Variants in TANC2 observed in about 807,000 individuals in gnomAD.
TANC2 encodes the protein tetratricopeptide repeat, ankyrin repeat and coiled-coil containing 2.
Under a neutral mutation model 210.5 loss-of-function variants are expected in TANC2, and 26 were observed. The observed-to-expected ratio is 0.12, with a 90% confidence interval of 0.09 to 0.17. TANC2 has a LOEUF of 0.17. TANC2 is among the 10% of genes least tolerant of loss of function. The probability of loss-of-function intolerance (pLI) is 1.00; values close to 1 mark genes in which losing one functional copy is unlikely to be tolerated. For synonymous variants in TANC2, 931 were observed against 967.1 expected, an observed-to-expected ratio of 0.96 and a Z score of 0.69; for missense variants, 2,129 against 2,608.9, an observed-to-expected ratio of 0.82 and a Z score of 4.01.
At chr17:63,055,965 C>CAAAAAAAAAA (rs869063496) in intron 2 of TANC2, among the ~76,000 whole-genome samples, 4 of 52,600 alleles carry the variant, frequency 7.6e-5, no homozygotes, top group African/African-American at 2.9e-4. Context: ...TCATCTCTAC[C>CAAAAAAAAAA]AAAAAAAAAA....
chr17:62,972,406 A>T (rs1056106196), intron 1 of TANC2, among the ~76,000 whole-genome samples: 8 of 152,322 alleles, frequency 5.3e-5, no homozygotes, highest in Middle Eastern at 6.8e-3. Context: ...TACATGGTTT[A>T]TAGTGCATCT....
chr17:63,415,727 G>T, intron 26 of TANC2, 53 bp downstream of exon 26: 1 of 1,582,474 alleles, frequency 6.3e-7, no homozygotes, highest in South Asian at 1.1e-5. Context: ...CTGATAGCCT[G>T]TGTCACTCAC....
chr17:63,416,214 G>A (rs2048856115), intron 26 of TANC2, among the ~76,000 whole-genome samples: 1 of 152,084 alleles, frequency 6.6e-6, no homozygotes, highest in African/African-American at 2.4e-5. Context: ...ACTCCCCCTG[G>A]ACCTTTATCG....
chr17:63,400,135 A>G (rs1393779362), intron 19 of TANC2, among the ~76,000 whole-genome samples: 4 of 152,226 alleles, frequency 2.6e-5, no homozygotes, highest in Non-Finnish European at 4.4e-5. Context: ...GTGTGTTTCT[A>G]TCAGCACAGC....
intron 1 of TANC2, among the ~76,000 whole-genome samples, chr17:62,974,034 T>C (rs1015795114): frequency 2.7e-4 from 41 of 152,228 alleles, no homozygotes; most frequent in African/African-American, 9.2e-4. Flanking sequence ...GCTAGCTCTT[T>C]AGAGAATAAG....
intron 12 of TANC2, among the ~76,000 whole-genome samples, chr17:63,341,811 A>T (rs1218670132): frequency 6.6e-6 from 1 of 152,184 alleles, no homozygotes; most frequent in Non-Finnish European, 1.5e-5. Context: ...CTGATTGCCT[A>T]TTGCCTTCTG....
At chr17:63,034,238 T>A (rs2034885740) in intron 2 of TANC2, among the ~76,000 whole-genome samples, 1 of 152,200 alleles carries the variant, frequency 6.6e-6, no homozygotes, top group Non-Finnish European at 1.5e-5. Flanking sequence ...AAGCCAGTAC[T>A]CGTTTACCAT....
intron 4 of TANC2, among the ~76,000 whole-genome samples, chr17:63,139,060 G>C (rs1463676406): frequency 6.6e-6 from 1 of 152,212 alleles, no homozygotes; most frequent in Non-Finnish European, 1.5e-5. Context: ...TTTAAGAGGA[G>C]ACTGCTCTGA....
At chr17:63,196,407 A>G (rs939502507) in intron 6 of TANC2, among the ~76,000 whole-genome samples, 3 of 152,194 alleles carry the variant, frequency 2.0e-5, no homozygotes, top group Non-Finnish European at 4.4e-5. Context: ...ACTTGATGTC[A>G]TATCTTATAA....
rs2045253568 is a variant in TANC2 at position 63,314,584 on chromosome 17, C to G, written c.1356C>G (p.Ala452=). 1.9e-6 allele frequency: 3 copies of G among 1,613,962 alleles called. No individual in the cohort carries two copies. The East Asian group carries it at 6.7e-5, about 36-fold the overall frequency. Residue 452 remains alanine (A), a synonymous_variant, in exon 10 of 28, where the codon GCC becomes GCG. Transcript: ENST00000689528. The stretch of plus-strand genomic sequence containing the variant: ...GAAACATTGGATTCGGCAAAACTGC[C>G]ATCATCTCCAGACTGGTGGCCCTCA...
At chr17:63,249,235 A>G (rs1598703423) in intron 8 of TANC2, among the ~76,000 whole-genome samples, 1 of 152,346 alleles carries the variant, frequency 6.6e-6, no homozygotes, top group East Asian at 1.9e-4. Flanking sequence ...ATATAAACTT[A>G]GCTGTTCATA....
At chr17:63,296,046 G>T (rs2044526107) in intron 9 of TANC2, among the ~76,000 whole-genome samples, 1 of 151,926 alleles carries the variant, frequency 6.6e-6, no homozygotes, top group African/African-American at 2.4e-5. Flanking sequence ...TTCCATCAAG[G>T]GCTCTCAGAT....
intron 3 of TANC2, among the ~76,000 whole-genome samples, chr17:63,091,350 C>CT (rs1050117220): frequency 1.6e-4 from 25 of 152,132 alleles, no homozygotes; most frequent in African/African-American, 5.8e-4. Flanking sequence ...TTAGGTCTTA[C>CT]ATTTAAGTCT....
intron 14 of TANC2, among the ~76,000 whole-genome samples, chr17:63,376,373 G>A (rs546199898): frequency 9.9e-5 from 15 of 152,210 alleles, no homozygotes; most frequent in African/African-American, 3.4e-4. Flanking sequence ...GAATCATAGG[G>A]GCAGTTTCCC....
At chr17:63,355,565 T>C (rs553630548) in intron 14 of TANC2, among the ~76,000 whole-genome samples, 175 bp downstream of exon 14, 7 of 152,222 alleles carry the variant, frequency 4.6e-5, no homozygotes, top group Non-Finnish European at 8.8e-5. Flanking sequence ...TGTTTTACAA[T>C]GTTATTTCCT....
chr17:63,303,476 A>G (rs917753509), intron 9 of TANC2, among the ~76,000 whole-genome samples: 13 of 152,158 alleles, frequency 8.5e-5, no homozygotes, highest in African/African-American at 2.7e-4. Flanking sequence ...TGTTAGTCTC[A>G]TGGGCTTCCC....
chr17:63,000,920 G>C (rs941834021), intron 1 of TANC2, among the ~76,000 whole-genome samples: 5 of 136,804 alleles, frequency 3.7e-5, no homozygotes, highest in African/African-American at 1.3e-4. Flanking sequence ...GTAGCTTTAT[G>C]TTTTACTTTT....
At chr17:63,137,571 A>G (rs2145276512) in intron 4 of TANC2, among the ~76,000 whole-genome samples, 1 of 152,286 alleles carries the variant, frequency 6.6e-6, no homozygotes, top group South Asian at 2.1e-4. Context: ...GTTTCATGAA[A>G]GCCTCTCTGT....
At chr17:63,096,335 A>C (rs909078453) in intron 3 of TANC2, among the ~76,000 whole-genome samples, 51 of 152,136 alleles carry the variant, frequency 3.4e-4, no homozygotes, top group Admixed American at 3.1e-3. Context: ...AATCCTAATA[A>C]AATTCCTGAA....
Sources: gnomAD v4.1 joint callset for allele counts (sites outside exome capture counted in the v4.1 genomes callset) on GRCh38, gnomAD v4.1.1 for gene constraint, MANE v1.5 for transcripts, NCBI Gene and HGNC (gene_info 2026-07-23, HGNC 2026-07-21) for gene names.